The following ARFIP1 variants were observed in gnomAD, a reference collection of about 807,000 sequenced individuals.
ARFIP1 encodes the protein ARF interacting protein 1.
Under a neutral mutation model 42.5 loss-of-function variants are expected in ARFIP1, and 24 were observed. The ratio of observed to expected loss-of-function variants is 0.57; its 90% CI spans 0.41 to 0.80. ARFIP1 has a LOEUF of 0.80. Ranked by LOEUF, ARFIP1 falls within the 30% of genes least tolerant of loss-of-function variation. ARFIP1 has a pLI of 0.00. For synonymous variants in ARFIP1, 141 were observed against 153.7 expected (o/e 0.92, Z 0.61); for missense variants, 354 against 434.0 (o/e 0.82, Z 1.64).
intron 8 of ARFIP1, among the ~76,000 whole-genome samples, chr4:152,909,504 C>T (rs1056097351): frequency 6.6e-6 from 1 of 152,104 alleles, no homozygotes; most frequent in African/African-American, 2.4e-5. Context: ...TTAAAATATA[C>T]TCTTGATATC....
Position 152,882,777 on chromosome 4 carries a change from A to G in ARFIP1, c.688A>G (p.Thr230Ala). 1 of 1,613,126 alleles carries G rather than the reference A, an allele frequency of 6.2e-7. No individual in the cohort carries two copies. Residue 230 changes from threonine to alanine, a missense_variant, in exon 7 of 9, where the codon ACT becomes GCT. Coordinates refer to ENST00000353617, the MANE Select transcript of ARFIP1 (RefSeq NM_001025595.3). ...TQKLLAKNGE[T>A]LLGAINFFIA... ...GAAACTGCTGGCTAAAAATGGAGAG[A>G]CTCTTCTTGGGGCCATTAATTTTTT... is the stretch of plus-strand genomic sequence containing the variant.
intron 5 of ARFIP1, among the ~76,000 whole-genome samples, chr4:152,874,149 T>C (rs557497116): frequency 6.6e-6 from 1 of 152,334 alleles, no homozygotes; most frequent in Admixed American, 6.5e-5. Flanking sequence ...TTATGTGTTA[T>C]TATCTGCTAT....
At chr4:152,888,049 A>G (rs1736408999) in intron 7 of ARFIP1, 84 bp from the exon 8 acceptor site, 2 of 1,037,370 alleles carry the variant, frequency 1.9e-6, no homozygotes, top group African/African-American at 1.6e-5. Context: ...ATAGTATGAG[A>G]CTGAATATTA....
intron 7 of ARFIP1, among the ~76,000 whole-genome samples, chr4:152,885,266 A>G (rs1736169241): frequency 6.6e-6 from 1 of 152,094 alleles, no homozygotes. Flanking sequence ...CAGTGCAAAA[A>G]GTGGTAATTT....
At chr4:152,794,315 A>G (rs1313089752) in intron 1 of ARFIP1, among the ~76,000 whole-genome samples, 1 of 152,110 alleles carries the variant, frequency 6.6e-6, no homozygotes, top group Non-Finnish European at 1.5e-5. Context: ...CTTGTCTTTT[A>G]TGACTATGAC....
intron 1 of ARFIP1, among the ~76,000 whole-genome samples, chr4:152,806,129 T>C (rs1728980001): frequency 6.6e-6 from 1 of 152,244 alleles, no homozygotes; most frequent in Admixed American, 6.5e-5. Flanking sequence ...TTTTATGTTC[T>C]GCCACTCTTC....
At chr4:152,807,468 G>A (rs545040810) in intron 1 of ARFIP1, among the ~76,000 whole-genome samples, 1 of 152,150 alleles carries the variant, frequency 6.6e-6, no homozygotes, top group Admixed American at 6.5e-5. Flanking sequence ...TAGTGGTTAT[G>A]TAGTGGCATC....
rs143034260 is a variant in ARFIP1 at position 152,886,063 on chromosome 4, G to C, written c.792-2070G>C. ...CTGAACCCATGGATTTAACTAACTAGTTATTATTGCCAAGTCAGTCTTGCC... is the reference window on the plus strand; with the variant it reads ...CTGAACCCATGGATTTAACTAACTACTTATTATTGCCAAGTCAGTCTTGCC... On this transcript the variant is annotated intron_variant, in intron 7 of 8. Coordinates refer to ENST00000353617, the MANE Select transcript of ARFIP1 (RefSeq NM_001025595.3). 2.4e-3 allele frequency among the ~76,000 whole-genome samples: 360 copies of C among 152,120 alleles called. 2 individuals carry two copies. Among genetic ancestry groups the C allele is most frequent in the African/African-American group, 8.2e-3 (339 of 41,554 alleles).
At chr4:152,780,628 C>A (rs1730431382) in intron 1 of ARFIP1, among the ~76,000 whole-genome samples, 1 of 152,186 alleles carries the variant, frequency 6.6e-6, no homozygotes. Context: ...CTTCCTCTCT[C>A]CCGCAGTGGG....
At chr4:152,894,183 A>C (rs2149902842) in intron 8 of ARFIP1, among the ~76,000 whole-genome samples, 1 of 150,730 alleles carries the variant, frequency 6.6e-6, no homozygotes, top group East Asian at 1.9e-4. Flanking sequence ...ACTCCAGCCT[A>C]GATGACAGAG....
intron 3 of ARFIP1, among the ~76,000 whole-genome samples, chr4:152,865,229 C>T (rs759386740): frequency 6.6e-5 from 10 of 152,100 alleles, no homozygotes; most frequent in South Asian, 4.1e-4. Context: ...CCTCTGCCCC[C>T]GAGTTCAAGT....
chr4:152,782,432 TTTC>T (rs1188386257), intron 1 of ARFIP1, among the ~76,000 whole-genome samples: 3 of 152,178 alleles, frequency 2.0e-5, no homozygotes, highest in Admixed American at 1.3e-4. Context: ...GGTTTTGAGG[TTTC>T]TTCTTAGGGA....
At chr4:152,800,314 G>A (rs976746292) in intron 1 of ARFIP1, among the ~76,000 whole-genome samples, 3 of 152,096 alleles carry the variant, frequency 2.0e-5, no homozygotes, top group Admixed American at 6.5e-5. Flanking sequence ...AGTGTCAGGC[G>A]TTGTATTAGG....
intron 5 of ARFIP1, among the ~76,000 whole-genome samples, chr4:152,875,149 A>T (rs1395730164): frequency 6.6e-6 from 1 of 152,158 alleles, no homozygotes; most frequent in Non-Finnish European, 1.5e-5. Flanking sequence ...GGTGATTCAA[A>T]GCAAATATAT....
intron 1 of ARFIP1, among the ~76,000 whole-genome samples, chr4:152,804,594 G>A (rs983767461): frequency 2.7e-5 from 4 of 146,210 alleles, no homozygotes; most frequent in East Asian, 3.9e-4. Context: ...CTTAAACCAG[G>A]TTGCCAGGTT....
At chr4:152,829,124 C>T (rs1481717716) in intron 1 of ARFIP1, among the ~76,000 whole-genome samples, 2 of 152,168 alleles carry the variant, frequency 1.3e-5, no homozygotes, top group African/African-American at 4.8e-5. Flanking sequence ...TTGTAGCTTT[C>T]CAGCTAGTCT....
chr4:152,889,674 A>G (rs1485300362), intron 8 of ARFIP1, among the ~76,000 whole-genome samples: 1 of 130,110 alleles, frequency 7.7e-6, no homozygotes, highest in Non-Finnish European at 1.6e-5. Context: ...ACTAATATAT[A>G]CTATATAATA....
chr4:152,840,060 A>G (rs975176661), intron 2 of ARFIP1, among the ~76,000 whole-genome samples: 2 of 152,208 alleles, frequency 1.3e-5, no homozygotes, highest in Admixed American at 6.5e-5. Flanking sequence ...CATGGTATCA[A>G]AGGTTCCTTT....
intron 1 of ARFIP1, among the ~76,000 whole-genome samples, chr4:152,814,044 T>TAGGTGGAC (rs1232890753): frequency 2.0e-5 from 3 of 152,042 alleles, no homozygotes; most frequent in Non-Finnish European, 4.4e-5. Context: ...TATAGAATTC[T>TAGGTGGAC]AGGTGGACAG....
Sources: gnomAD v4.1 joint callset for allele counts (sites outside exome capture counted in the v4.1 genomes callset) on GRCh38, gnomAD v4.1.1 for gene constraint, MANE v1.5 for transcripts, NCBI Gene and HGNC (gene_info 2026-07-23, HGNC 2026-07-21) for gene names.